The following RPS6KA2 variants were observed in gnomAD, a reference collection of about 807,000 sequenced individuals.
RPS6KA2 encodes ribosomal protein S6 kinase alpha-2.
RPS6KA2 carries 42 observed loss-of-function variants against 91.8 expected under a neutral mutation model. That is an observed-to-expected ratio of 0.46 (90% CI 0.36 to 0.59). The LOEUF (loss-of-function observed/expected upper bound fraction) is 0.59, where lower values mean the gene tolerates loss of function less well. RPS6KA2 is among the 20% of genes least tolerant of loss of function. RPS6KA2 has a pLI of 0.00. For synonymous variants in RPS6KA2, 414 were observed against 393.6 expected (o/e 1.05, Z -0.61); for missense variants, 798 against 978.5 (o/e 0.82, Z 2.46).
intron 2 of RPS6KA2, among the ~76,000 whole-genome samples, chr6:166,783,647 C>G (rs940547816): frequency 6.6e-6 from 1 of 152,102 alleles, no homozygotes; most frequent in Admixed American, 6.5e-5. Context: ...TATACATGTG[C>G]ACACCTATGC....
chr6:166,690,130 T>A (rs1005528259), intron 2 of RPS6KA2, among the ~76,000 whole-genome samples: 1 of 151,430 alleles, frequency 6.6e-6, no homozygotes, highest in African/African-American at 2.4e-5. Flanking sequence ...GGGAGGAGGG[T>A]GAAGTGTGAG....
At chr6:166,702,558 C>T (rs1486320970) in intron 2 of RPS6KA2, 2 of 1,446,832 alleles carry the variant, frequency 1.4e-6, no homozygotes, top group Non-Finnish European at 1.9e-6. Context: ...CCAGCACCTC[C>T]CACTGTAAGT....
At chr6:166,798,165 T>C (rs1158942025) in intron 2 of RPS6KA2, among the ~76,000 whole-genome samples, 1 of 152,210 alleles carries the variant, frequency 6.6e-6, no homozygotes, top group Admixed American at 6.5e-5. Flanking sequence ...TAAAACCAAC[T>C]GTAGCTATTG....
intron 2 of RPS6KA2, among the ~76,000 whole-genome samples, chr6:166,796,990 C>T (rs941692645): frequency 2.6e-5 from 4 of 152,246 alleles, no homozygotes; most frequent in African/African-American, 9.6e-5. Context: ...CTCTACACTG[C>T]GTTTCATTCT....
chr6:166,599,840 C>G (rs1315273249), intron 1 of RPS6KA2, among the ~76,000 whole-genome samples: 1 of 152,106 alleles, frequency 6.6e-6, no homozygotes, highest in Non-Finnish European at 1.5e-5. Context: ...GTCTCCTTCC[C>G]ACTCCATCTC....
At chr6:166,628,684 T>A (rs1474219777), upstream of RPS6KA2, among the ~76,000 whole-genome samples, 2 of 152,216 alleles carry the variant, frequency 1.3e-5, no homozygotes, top group Non-Finnish European at 2.9e-5. Flanking sequence ...GCGCTGCCCC[T>A]TCCTTGCTTG....
intron 1 of RPS6KA2, among the ~76,000 whole-genome samples, chr6:166,562,922 T>A (rs1265232570): frequency 6.6e-6 from 1 of 152,018 alleles, no homozygotes; most frequent in Non-Finnish European, 1.5e-5. Context: ...GTGGGCAGGA[T>A]GACTGGGGCA....
At chr6:166,604,203 G>A (rs911375837) in intron 1 of RPS6KA2, among the ~76,000 whole-genome samples, 4 of 152,136 alleles carry the variant, frequency 2.6e-5, no homozygotes, top group Non-Finnish European at 4.4e-5. Flanking sequence ...GAGATGTGAC[G>A]GGGACAAATG....
intron 1 of RPS6KA2, among the ~76,000 whole-genome samples, chr6:166,596,527 G>A (rs1785539374): frequency 6.6e-6 from 1 of 152,144 alleles, no homozygotes; most frequent in Non-Finnish European, 1.5e-5. Flanking sequence ...CAGACTCCAA[G>A]TTCTTCAGTC....
rs1156927493 is a variant in RPS6KA2, at chr6:166,419,341, C to G, written c.1820+541G>C. The stretch of plus-strand genomic sequence containing the variant: ...AGGGGAGAGGGAAGGGAGGCTGGTA[C>G]AGGTTAAAGTGTTTAGCCCAGAGTC... On this transcript the variant is annotated intron_variant, in intron 18 of 20. Coordinates refer to ENST00000265678, the MANE Select transcript of RPS6KA2 (RefSeq NM_021135.6). This position sits in a 1 kb window ranked among gnomAD's most constrained non-coding sequence, Gnocchi z 5.6. Among the ~76,000 whole-genome samples, 1 of 152,184 alleles carries G rather than the reference C, an allele frequency of 6.6e-6. No homozygotes were observed. Among genetic ancestry groups the G allele is most frequent in the Admixed American group, 6.5e-5 (1 of 15,276 alleles).
chr6:166,620,479 G>A (rs983108136), intron 1 of RPS6KA2, among the ~76,000 whole-genome samples: 13 of 152,138 alleles, frequency 8.5e-5, no homozygotes, highest in Non-Finnish European at 1.2e-4. Flanking sequence ...CTATTACCAC[G>A]AATTATGTTT....
intron 2 of RPS6KA2, among the ~76,000 whole-genome samples, chr6:166,829,448 G>A (rs1471175323): frequency 6.6e-5 from 10 of 151,924 alleles, no homozygotes; most frequent in Non-Finnish European, 1.3e-4. Flanking sequence ...AAAATTAGCC[G>A]GGTATGGTGG....
intron 3 of RPS6KA2, among the ~76,000 whole-genome samples, chr6:166,515,215 A>G (rs915848597): frequency 6.6e-6 from 1 of 152,190 alleles, no homozygotes; most frequent in Non-Finnish European, 1.5e-5. Flanking sequence ...GTTTGGTGGC[A>G]GCAGATGCTC....
chr6:166,529,016 T>C (rs1478445427), intron 3 of RPS6KA2, among the ~76,000 whole-genome samples: 1 of 152,220 alleles, frequency 6.6e-6, no homozygotes, highest in African/African-American at 2.4e-5. Flanking sequence ...AGTGTGGCGA[T>C]TCCTCAAGGA....
At chr6:166,731,326 C>A (rs2128588994) in intron 2 of RPS6KA2, among the ~76,000 whole-genome samples, 2 of 152,282 alleles carry the variant, frequency 1.3e-5, no homozygotes, top group Admixed American at 1.3e-4. Context: ...TACATTTATT[C>A]CTTGCAACTA....
At position 166,849,564 on chromosome 6, in the gene RPS6KA2, AG is replaced by A. The variant is rs1780685692; in HGVS notation, c.123+8635del. Among the ~76,000 whole-genome samples the A allele has an allele frequency of 6.6e-6, 1 of 152,130 alleles. No homozygotes were observed. Among genetic ancestry groups the A allele is most frequent in the Admixed American group, 6.5e-5 (1 of 15,270 alleles). On this transcript the variant is annotated intron_variant, in intron 2 of 21. Coordinates refer to the RPS6KA2 transcript ENST00000503859. The surrounding 1 kb of genome is among the most constrained non-coding windows in gnomAD (Gnocchi z 4.9). The stretch of plus-strand genomic sequence containing the variant: ...CGTGTAGCTGACAGTGGAGGACCCC[AG>A]GCCACCCCCGCCCGTGGAAATCCAT...
chr6:166,619,373 T>C (rs1254743777), intron 1 of RPS6KA2, among the ~76,000 whole-genome samples: 1 of 152,232 alleles, frequency 6.6e-6, no homozygotes, highest in Non-Finnish European at 1.5e-5. Context: ...CTTTTGAAAG[T>C]TGTTTTGTTT....
At chr6:166,498,963 T>A (rs989953184) in intron 7 of RPS6KA2, among the ~76,000 whole-genome samples, 16 of 152,024 alleles carry the variant, frequency 1.1e-4, no homozygotes, top group African/African-American at 3.1e-4. Context: ...CAGACCCTTT[T>A]CCACAGGCAC....
intron 17 of RPS6KA2, among the ~76,000 whole-genome samples, chr6:166,421,607 C>T (rs114082592): frequency 0.015 from 2,223 of 152,268 alleles, 50 homozygotes; most frequent in African/African-American, 0.051. Context: ...TTTGTCTTGC[C>T]AGGTCTCTAA....
Sources: gnomAD v4.1 joint callset for allele counts (sites outside exome capture counted in the v4.1 genomes callset) on GRCh38, gnomAD v4.1.1 for gene constraint, Gnocchi (gnomAD v3.1) non-coding constraint, MANE v1.5 for transcripts, NCBI Gene and HGNC (gene_info 2026-07-23, HGNC 2026-07-21) for gene names.